The following NXPH1 variants were observed in gnomAD, a reference collection of about 807,000 sequenced individuals.
NXPH1 encodes neurexophilin 1, also known as neurexophilin-1.
Under a neutral mutation model 23.7 loss-of-function variants are expected in NXPH1, and 5 were observed. That is an observed-to-expected ratio of 0.21 (90% CI 0.11 to 0.44). The LOEUF is 0.44. NXPH1 is among the 20% of genes least tolerant of loss of function. The probability of loss-of-function intolerance (pLI) is 0.99; values close to 1 mark genes in which losing one functional copy is unlikely to be tolerated. For missense variants in NXPH1, 324 were observed against 321.6 expected, an observed-to-expected ratio of 1.01 and a Z score of -0.06; for synonymous variants, 144 against 122.2, an observed-to-expected ratio of 1.18 and a Z score of -1.18.
At chr7:8,592,804 T>A (rs1442132079) in intron 2 of NXPH1, among the ~76,000 whole-genome samples, 1 of 151,572 alleles carries the variant, frequency 6.6e-6, no homozygotes. Flanking sequence ...TCTTATATAA[T>A]TTTCACATAT....
intron 2 of NXPH1, among the ~76,000 whole-genome samples, chr7:8,530,284 A>AT (rs891524562): frequency 1.3e-5 from 2 of 152,214 alleles, no homozygotes; most frequent in Non-Finnish European, 2.9e-5. Context: ...TCAAATATTA[A>AT]TTTTAGAGAT....
intron 2 of NXPH1, among the ~76,000 whole-genome samples, chr7:8,575,897 A>C (rs1321310155): frequency 6.6e-6 from 1 of 152,020 alleles, no homozygotes; most frequent in Non-Finnish European, 1.5e-5. Flanking sequence ...CTCTCTCTCC[A>C]GTTTCTTCCT....
At chr7:8,450,164 A>G (rs962704746) in intron 2 of NXPH1, among the ~76,000 whole-genome samples, 1 of 152,196 alleles carries the variant, frequency 6.6e-6, no homozygotes, top group African/African-American at 2.4e-5. Flanking sequence ...ATTATTTGCC[A>G]TGTCTTGGCA....
At chr7:8,532,704 G>T (rs902365137) in intron 2 of NXPH1, among the ~76,000 whole-genome samples, 1 of 152,034 alleles carries the variant, frequency 6.6e-6, no homozygotes, top group Non-Finnish European at 1.5e-5. Flanking sequence ...TGCTGGTGGT[G>T]GTCCTCAGAC....
At chr7:8,543,817 T>G (rs182158811) in intron 2 of NXPH1, among the ~76,000 whole-genome samples, 132 of 151,838 alleles carry the variant, frequency 8.7e-4, no homozygotes, top group Middle Eastern at 6.8e-3. Context: ...GTTAGCTTTT[T>G]AAATAAATGA....
chr7:8,677,657 A>G (rs939449720), intron 2 of NXPH1, among the ~76,000 whole-genome samples: 3 of 152,008 alleles, frequency 2.0e-5, no homozygotes, highest in African/African-American at 7.2e-5. Flanking sequence ...AAAGAAAGAA[A>G]CCTTCCTCTC....
chr7:8,511,271 T>C (rs1038392914), intron 2 of NXPH1, among the ~76,000 whole-genome samples: 2 of 152,150 alleles, frequency 1.3e-5, no homozygotes, highest in Admixed American at 6.5e-5. Context: ...TTGGTGACTT[T>C]CTGGGTTAAT....
At chr7:8,585,688 G>A (rs544446179) in intron 2 of NXPH1, among the ~76,000 whole-genome samples, 1 of 152,274 alleles carries the variant, frequency 6.6e-6, no homozygotes, top group East Asian at 1.9e-4. Flanking sequence ...CTTTGTTTGT[G>A]TATTAAAATA....
At chr7:8,543,392 A>T (rs949503591) in intron 2 of NXPH1, among the ~76,000 whole-genome samples, 4 of 151,638 alleles carry the variant, frequency 2.6e-5, no homozygotes, top group Non-Finnish European at 5.9e-5. Context: ...AATTTCATAG[A>T]TAATTACGAC....
chr7:8,456,916 C>T (rs1299875828), intron 2 of NXPH1, among the ~76,000 whole-genome samples: 2 of 152,156 alleles, frequency 1.3e-5, no homozygotes, highest in Non-Finnish European at 2.9e-5. Flanking sequence ...ACTGTCCCCA[C>T]TGCAGCCTAG....
At chr7:8,447,998 C>A (rs981539819) in intron 2 of NXPH1, among the ~76,000 whole-genome samples, 6 of 152,200 alleles carry the variant, frequency 3.9e-5, no homozygotes, top group African/African-American at 1.4e-4. Context: ...TAACAGAGAG[C>A]AAACAGGCCT....
At chr7:8,542,689 A>G (rs772238596) in intron 2 of NXPH1, among the ~76,000 whole-genome samples, 12 of 151,602 alleles carry the variant, frequency 7.9e-5, no homozygotes, top group African/African-American at 2.7e-4. Context: ...ACTAAATGAA[A>G]TTACTTATAC....
intron 2 of NXPH1, among the ~76,000 whole-genome samples, chr7:8,437,429 G>A (rs1031587951): frequency 1.6e-4 from 25 of 152,058 alleles, no homozygotes; most frequent in African/African-American, 5.6e-4. Context: ...GGATTCCCTT[G>A]ACCATCGTAA....
rs113473603 is a variant in NXPH1 at position 8,621,490 on chromosome 7, C to CTTTTTTTT, written c.55-129511_55-129504dup. On this transcript the variant is annotated intron_variant, in intron 2 of 2. Coordinates refer to ENST00000405863, the MANE Select transcript of NXPH1 (RefSeq NM_152745.3). Reference sequence around the variant, plus strand: ...GAGAAACAATAACATGCTAGCCACTCTTTTTTTTTTTTTTGAGGTGAAGTT... The same window carrying CTTTTTTTT: ...GAGAAACAATAACATGCTAGCCACTCTTTTTTTTTTTTTTTTTTTTTTGAGGTGAAGTT... Among the ~76,000 whole-genome samples the CTTTTTTTT allele has an allele frequency of 9.3e-5, 13 of 140,296 alleles. No individual in the cohort carries two copies. The East Asian group carries it at 1.9e-3, about 20-fold the overall frequency. 92.0% of individuals were successfully genotyped at this position (140,296 alleles called of 152,430 possible).
intron 2 of NXPH1, among the ~76,000 whole-genome samples, chr7:8,699,218 C>T (rs921562037): frequency 3.3e-5 from 5 of 152,054 alleles, no homozygotes; most frequent in African/African-American, 9.7e-5. Context: ...AAACAGGTTC[C>T]TATTTGTTTC....
chr7:8,617,873 C>T lies in NXPH1; in HGVS notation c.55-133135C>T, dbSNP rs1007767852. Among the ~76,000 whole-genome samples the T allele has an allele frequency of 2.0e-5, 3 of 152,084 alleles. No homozygotes were observed. The East Asian group carries it at 5.8e-4, about 29-fold the overall frequency. ...CATTCTCAATGATATGCTTATTTCA[C>T]ATTGCATGCTTGTGTTAAAATATCT... On this transcript the variant is annotated intron_variant, in intron 2 of 2. Coordinates refer to ENST00000405863, the MANE Select transcript of NXPH1 (RefSeq NM_152745.3).
chr7:8,567,924 G>A (rs554462135), intron 2 of NXPH1, among the ~76,000 whole-genome samples: 107 of 151,922 alleles, frequency 7.0e-4, no homozygotes, highest in African/African-American at 2.1e-3. Flanking sequence ...GCCTTACATC[G>A]TCTACTCCAA....
At chr7:8,517,210 C>T (rs1049692737) in intron 2 of NXPH1, among the ~76,000 whole-genome samples, 1 of 152,000 alleles carries the variant, frequency 6.6e-6, no homozygotes, top group Non-Finnish European at 1.5e-5. Flanking sequence ...TAGGCTGTTA[C>T]AGGGGAAGGA....
At chr7:8,750,730 C>A (rs1225743194) in intron 2 of NXPH1, among the ~76,000 whole-genome samples, 1 of 152,106 alleles carries the variant, frequency 6.6e-6, no homozygotes, top group Admixed American at 6.6e-5. Flanking sequence ...CCCACATCTC[C>A]CTTCTTCCAT....
Sources: allele counts gnomAD v4.1 joint callset (sites outside exome capture counted in the v4.1 genomes callset), GRCh38; gene constraint gnomAD v4.1.1; transcripts MANE v1.5; gene names NCBI Gene and HGNC (gene_info 2026-07-23, HGNC 2026-07-21).